Variants in SLC20A2 observed in about 807,000 individuals in gnomAD.
The protein encoded by SLC20A2 is sodium-dependent phosphate transporter 2.
In SLC20A2, 30 loss-of-function variants were observed where a neutral mutation model predicts 61.0. The ratio of observed to expected loss-of-function variants is 0.49; its 90% CI spans 0.37 to 0.67. The LOEUF (loss-of-function observed/expected upper bound fraction) is 0.67. SLC20A2 is among the 30% of genes least tolerant of loss of function. The probability of loss-of-function intolerance (pLI) is 0.00; values close to 1 mark genes in which losing one functional copy is unlikely to be tolerated. For missense variants in SLC20A2, 626 were observed against 866.4 expected (o/e 0.72, Z 3.48); for synonymous variants, 351 against 353.3 (o/e 0.99, Z 0.07).
At chr8:42,532,129 T>C (rs1409899889) in intron 1 of SLC20A2, among the ~76,000 whole-genome samples, 1 of 152,058 alleles carries the variant, frequency 6.6e-6, no homozygotes, top group Non-Finnish European at 1.5e-5. Context: ...GCCTGGCCAG[T>C]CTCTGTCTGC....
intron 10 of SLC20A2, among the ~76,000 whole-genome samples, chr8:42,423,635 C>G (rs774124148): frequency 2.0e-5 from 3 of 152,102 alleles, no homozygotes; most frequent in African/African-American, 7.2e-5. Context: ...TCTAAATAAA[C>G]GTTCAAATTC....
intron 6 of SLC20A2, among the ~76,000 whole-genome samples, chr8:42,441,580 T>G (rs1804787994): frequency 6.6e-6 from 1 of 151,360 alleles, no homozygotes; most frequent in Non-Finnish European, 1.5e-5. Flanking sequence ...GCGATTCTCC[T>G]GCCTCAGCCT....
chr8:42,482,708 T>A (rs1808642385), intron 1 of SLC20A2, among the ~76,000 whole-genome samples: 1 of 147,720 alleles, frequency 6.8e-6, no homozygotes, highest in Non-Finnish European at 1.5e-5. Context: ...GACAACAGAG[T>A]AGGACCCTGT....
chr8:42,454,309 G>C (rs746691144), intron 5 of SLC20A2, among the ~76,000 whole-genome samples: 5 of 152,098 alleles, frequency 3.3e-5, no homozygotes, highest in Admixed American at 2.6e-4. Context: ...GCCGAATTTT[G>C]GTATCTACGG....
upstream of SLC20A2, chr8:42,502,420 CCTT>C (rs879697234): frequency 6.6e-6 from 1 of 152,242 alleles, no homozygotes; most frequent in Non-Finnish European, 1.5e-5. Context: ...AAAAAGCCCT[CCTT>C]GACTCTCTCT....
At chr8:42,498,102 T>C (rs1187209419) in intron 1 of SLC20A2, among the ~76,000 whole-genome samples, 2 of 152,244 alleles carry the variant, frequency 1.3e-5, no homozygotes, top group African/African-American at 4.8e-5. Flanking sequence ...CAGATTTCTA[T>C]CTAAATATCA....
intron 6 of SLC20A2, among the ~76,000 whole-genome samples, chr8:42,440,239 G>A (rs771742765): frequency 3.3e-5 from 5 of 152,110 alleles, no homozygotes; most frequent in South Asian, 4.1e-4. Context: ...GGTCAGATCC[G>A]AATACCACAG....
At chr8:42,423,364 T>C (rs1803169591) in intron 10 of SLC20A2, among the ~76,000 whole-genome samples, 1 of 151,996 alleles carries the variant, frequency 6.6e-6, no homozygotes, top group Admixed American at 6.6e-5. Flanking sequence ...ATTTTAACTT[T>C]TATAAAATAG....
At chr8:42,514,989 T>C (rs1811246684) in intron 1 of SLC20A2, among the ~76,000 whole-genome samples, 1 of 152,122 alleles carries the variant, frequency 6.6e-6, no homozygotes, top group Non-Finnish European at 1.5e-5. Flanking sequence ...TCACTTCTAG[T>C]GTGAGAAGTA....
intron 1 of SLC20A2, among the ~76,000 whole-genome samples, chr8:42,524,649 G>C (rs983478818): frequency 6.6e-6 from 1 of 152,054 alleles, no homozygotes; most frequent in Admixed American, 6.6e-5. Flanking sequence ...AGCCAGTTGT[G>C]GTGGCGAGCG....
chr8:42,471,509 G>C (rs1322738643), intron 2 of SLC20A2, among the ~76,000 whole-genome samples: 1 of 152,164 alleles, frequency 6.6e-6, no homozygotes, highest in Non-Finnish European at 1.5e-5. Flanking sequence ...CCCAGAGGTA[G>C]AATCAGAAAA....
At chr8:42,480,746 A>T (rs1337346324) in intron 1 of SLC20A2, among the ~76,000 whole-genome samples, 1 of 152,110 alleles carries the variant, frequency 6.6e-6, no homozygotes, top group African/African-American at 2.4e-5. Flanking sequence ...TGCAGCCTTA[A>T]GCTCCTGGGC....
intron 1 of SLC20A2, chr8:42,535,346 GA>G (rs1812636357): frequency 6.7e-6 from 1 of 150,370 alleles, no homozygotes; most frequent in African/African-American, 2.5e-5. Flanking sequence ...CTTTAAAAAA[GA>G]AAAGTTGAAA....
chr8:42,541,150 G>C (rs1813102441), intron 1 of SLC20A2: 2 of 152,306 alleles, frequency 1.3e-5, no homozygotes, highest in African/African-American at 2.4e-5. Context: ...CCCCCGCCGA[G>C]TCCCACCCCA....
chr8:42,440,302 T>C (rs2131027228), intron 6 of SLC20A2, among the ~76,000 whole-genome samples: 1 of 152,318 alleles, frequency 6.6e-6, no homozygotes, highest in South Asian at 2.1e-4. Flanking sequence ...ACTGGCCTTC[T>C]GTTTTCTTAA....
intron 5 of SLC20A2, among the ~76,000 whole-genome samples, chr8:42,455,288 A>C (rs1180828615): frequency 2.1e-5 from 3 of 139,886 alleles, no homozygotes; most frequent in African/African-American, 7.7e-5. Flanking sequence ...AGAGAGAGAG[A>C]GAGAGCGTGC....
intron 2 of SLC20A2, among the ~76,000 whole-genome samples, chr8:42,470,868 G>A (rs758644713): frequency 5.9e-5 from 9 of 151,820 alleles, no homozygotes; most frequent in Non-Finnish European, 1.0e-4. Flanking sequence ...CAGCTACTCC[G>A]GAGGGTGAGG....
At chr8:42,529,126 C>T (rs183465197) in intron 1 of SLC20A2, among the ~76,000 whole-genome samples, 26 of 152,090 alleles carry the variant, frequency 1.7e-4, no homozygotes, top group Admixed American at 3.3e-4. Flanking sequence ...AGGCACATGC[C>T]ACCACACCCA....
chr8:42,514,744 T>C (rs1263380348), intron 1 of SLC20A2, among the ~76,000 whole-genome samples: 3 of 144,660 alleles, frequency 2.1e-5, no homozygotes, highest in Non-Finnish European at 4.5e-5. Flanking sequence ...GGCAATGGAG[T>C]AATACTCTGT....
Sources: gnomAD v4.1 joint callset for allele counts (sites outside exome capture counted in the v4.1 genomes callset) on GRCh38, gnomAD v4.1.1 for gene constraint, MANE v1.5 for transcripts, NCBI Gene and HGNC (gene_info 2026-07-23, HGNC 2026-07-21) for gene names.